The following ZNF644 variants were observed in gnomAD, a reference collection of about 807,000 sequenced individuals.
The protein encoded by ZNF644 is zinc finger motif enhancer binding protein 2.
A neutral mutation model predicts 108.0 loss-of-function variants in ZNF644; 20 were observed. The ratio of observed to expected loss-of-function variants is 0.19; its 90% CI spans 0.13 to 0.27. The LOEUF (loss-of-function observed/expected upper bound fraction) is 0.27, where lower values mean the gene tolerates loss of function less well. Among genes scored for constraint, ZNF644 ranks in the 10% least tolerant of loss-of-function variants. The probability of loss-of-function intolerance (pLI) is 1.00; values close to 1 mark genes in which losing one functional copy is unlikely to be tolerated. For missense variants in ZNF644, 1,338 were observed against 1,548.9 expected (o/e 0.86, Z 2.29); for synonymous variants, 542 against 539.1 (o/e 1.01, Z -0.08).
chr1:90,916,737 A>C lies in ZNF644; in HGVS notation c.*61T>G. On this transcript the variant is annotated 3_prime_UTR_variant, in exon 6 of 6. Coordinates refer to ENST00000337393, the MANE Select transcript of ZNF644 (RefSeq NM_201269.3). ...TAAACAGATAATTTAATGTGGCTTA[A>C]AAAAAAAGAATTTCAAATTTACATC... is the stretch of plus-strand genomic sequence containing the variant. The C allele has an allele frequency of 1.3e-6, 2 of 1,585,160 alleles. No individual in the cohort carries two copies. Among genetic ancestry groups the C allele is most frequent in the Non-Finnish European group, 1.7e-6 (2 of 1,156,544 alleles).
intron 4 of ZNF644, among the ~76,000 whole-genome samples, chr1:90,934,954 A>T (rs1054774847): frequency 3.9e-5 from 6 of 152,080 alleles, no homozygotes; most frequent in Admixed American, 3.9e-4. Flanking sequence ...TGCAGTGACT[A>T]TTCACAGGCA....
intron 2 of ZNF644, among the ~76,000 whole-genome samples, chr1:90,968,094 T>G (rs1296499719): frequency 6.6e-6 from 1 of 150,990 alleles, no homozygotes; most frequent in Non-Finnish European, 1.5e-5. Flanking sequence ...TCCAAGCTTA[T>G]TTTAATATTC....
intron 1 of ZNF644, among the ~76,000 whole-genome samples, chr1:90,998,812 A>G (rs1658450406): frequency 1.3e-5 from 2 of 152,190 alleles, no homozygotes; most frequent in Non-Finnish European, 2.9e-5. Context: ...AAAAGACTAG[A>G]CAAATGGCTA....
chr1:90,992,178 T>C (rs535310979), intron 1 of ZNF644, among the ~76,000 whole-genome samples: 1 of 152,156 alleles, frequency 6.6e-6, no homozygotes. Flanking sequence ...AAGGAAACTT[T>C]TTGAAACTAA....
At chr1:90,950,324 C>CAAAAGAAAACAAAAG (rs1653002100) in intron 2 of ZNF644, among the ~76,000 whole-genome samples, 1 of 63,744 alleles carries the variant, frequency 1.6e-5, no homozygotes, top group Non-Finnish European at 2.8e-5. Context: ...GAAAAGAAAA[C>CAAAAGAAAACAAAAG]AAAAGAAAAG....
intron 4 of ZNF644, among the ~76,000 whole-genome samples, chr1:90,928,319 ATTT>A (rs58051560): frequency 9.4e-5 from 9 of 95,834 alleles, no homozygotes; most frequent in African/African-American, 2.4e-4. Context: ...CACTGGGCTG[ATTT>A]TTTTTTTTTT....
intron 1 of ZNF644, among the ~76,000 whole-genome samples, chr1:91,007,225 G>GTTTTTTTTTTTTTTT (rs35761791): frequency 1.8e-5 from 1 of 55,974 alleles, no homozygotes; most frequent in Non-Finnish European, 3.3e-5. Context: ...CTCCCATTTT[G>GTTTTTTTTTTTTTTT]TTTTTTTTTT....
chr1:90,946,453 T>G lies in ZNF644; in HGVS notation c.45-5144A>C, dbSNP rs79963414. On this transcript the variant is annotated intron_variant, in intron 2 of 5. Coordinates refer to ENST00000337393, the MANE Select transcript of ZNF644 (RefSeq NM_201269.3). ...GGATTGAATAAGATGATTTCTAAGGTCCCTTCTAATATGTACTACAAATGT... is the reference window on the plus strand; with the variant it reads ...GGATTGAATAAGATGATTTCTAAGGGCCCTTCTAATATGTACTACAAATGT... 1.7e-3 allele frequency among the ~76,000 whole-genome samples: 257 copies of G among 152,192 alleles called. 2 individuals carry two copies. Among genetic ancestry groups the G allele is most frequent in the African/African-American group, 6.1e-3 (253 of 41,556 alleles).
At chr1:91,012,243 T>C (rs925966487) in intron 1 of ZNF644, among the ~76,000 whole-genome samples, 90 of 150,436 alleles carry the variant, frequency 6.0e-4, no homozygotes, top group Non-Finnish European at 1.6e-4. Flanking sequence ...AGGACAAATA[T>C]GCCATAAGAA....
intron 1 of ZNF644, among the ~76,000 whole-genome samples, chr1:91,003,942 A>G (rs984667424): frequency 9.2e-5 from 14 of 152,162 alleles, no homozygotes; most frequent in African/African-American, 3.1e-4. Flanking sequence ...GAAAAGCACA[A>G]TAACTAAAAT....
chr1:90,922,406 C>T (rs970685507), intron 4 of ZNF644, among the ~76,000 whole-genome samples: 3 of 151,914 alleles, frequency 2.0e-5, no homozygotes, highest in African/African-American at 7.3e-5. Context: ...GTTTGGTGGA[C>T]AATATTAGCT....
chr1:90,959,138 G>A (rs2101111950), intron 2 of ZNF644, among the ~76,000 whole-genome samples: 1 of 152,148 alleles, frequency 6.6e-6, no homozygotes, highest in East Asian at 1.9e-4. Context: ...ATATATAAAT[G>A]ACCAAGCCCA....
intron 2 of ZNF644, among the ~76,000 whole-genome samples, chr1:90,951,415 T>G (rs563514023): frequency 1.3e-5 from 2 of 152,326 alleles, no homozygotes; most frequent in East Asian, 3.9e-4. Flanking sequence ...GTAGACACAT[T>G]GGCTTTTTTG....
At chr1:90,963,395 C>A (rs1435525063) in intron 2 of ZNF644, among the ~76,000 whole-genome samples, 2 of 152,094 alleles carry the variant, frequency 1.3e-5, no homozygotes, top group Non-Finnish European at 2.9e-5. Flanking sequence ...GTGATTGATA[C>A]AACCATTTTG....
chr1:91,010,459 C>T (rs1037154190), intron 1 of ZNF644, among the ~76,000 whole-genome samples: 1 of 147,526 alleles, frequency 6.8e-6, no homozygotes, highest in Non-Finnish European at 1.5e-5. Flanking sequence ...ACCATGTTGG[C>T]GAGGCTGGTC....
intron 1 of ZNF644, among the ~76,000 whole-genome samples, chr1:90,997,128 T>C (rs1175138975): frequency 3.3e-5 from 5 of 152,150 alleles, no homozygotes; most frequent in Admixed American, 6.5e-5. Context: ...AGCTCCAACA[T>C]ATTCCTGAGA....
In ZNF644 at chr1:90,916,597, A is replaced by T; in HGVS notation, c.*201T>A. 1 of 609,562 alleles carries T rather than the reference A, an allele frequency of 1.6e-6. No homozygotes were observed. The highest frequency in any genetic ancestry group is 2.8e-6 in the Non-Finnish European group (1 of 355,434). 37.8% of individuals were successfully genotyped at this position (609,562 alleles called of 1,614,324 possible). A position where few individuals can be genotyped will look rare whatever the true frequency, so the allele number is the denominator to read the frequency against. ...AACCAACAAAACTTCATAAACCTTA[A>T]AAACACATCTTCCACCCTATATAAA... On this transcript the variant is annotated 3_prime_UTR_variant, in exon 6 of 6. Coordinates refer to ENST00000337393, the MANE Select transcript of ZNF644 (RefSeq NM_201269.3).
At chr1:91,005,783 A>G (rs963585803) in intron 1 of ZNF644, among the ~76,000 whole-genome samples, 1 of 152,200 alleles carries the variant, frequency 6.6e-6, no homozygotes, top group Non-Finnish European at 1.5e-5. Context: ...CAATGCTTAC[A>G]GGGAAATTTA....
intron 2 of ZNF644, among the ~76,000 whole-genome samples, chr1:90,952,213 G>A (rs1653251941): frequency 6.6e-6 from 1 of 152,198 alleles, no homozygotes; most frequent in South Asian, 2.1e-4. Flanking sequence ...GACTGGCTTT[G>A]TTAAATGTTA....
Sources: allele counts gnomAD v4.1 joint callset (sites outside exome capture counted in the v4.1 genomes callset), GRCh38; gene constraint gnomAD v4.1.1; transcripts MANE v1.5; gene names NCBI Gene and HGNC (gene_info 2026-07-23, HGNC 2026-07-21).